The following ZBTB20 variants were observed in gnomAD, a reference collection of about 807,000 sequenced individuals.
ZBTB20 encodes zinc finger and BTB domain-containing protein 20.
Under a neutral mutation model 56.9 loss-of-function variants are expected in ZBTB20, and 9 were observed. That is an observed-to-expected ratio of 0.16 (90% CI 0.10 to 0.28). ZBTB20 has a LOEUF of 0.28. Among genes scored for constraint, ZBTB20 ranks in the 10% least tolerant of loss-of-function variants. The pLI, the probability that ZBTB20 is intolerant of heterozygous loss-of-function variation, is 1.00. For missense variants in ZBTB20, 655 were observed against 1,003.0 expected, an observed-to-expected ratio of 0.65 and a Z score of 4.69; for synonymous variants, 417 against 420.7, an observed-to-expected ratio of 0.99 and a Z score of 0.11.
intron 1 of ZBTB20, among the ~76,000 whole-genome samples, chr3:115,111,354 G>T (rs188446155): frequency 4.6e-5 from 7 of 152,072 alleles, no homozygotes; most frequent in Non-Finnish European, 1.0e-4. Flanking sequence ...TCATTATTAT[G>T]AATTTTATTT....
chr3:114,964,681 T>G (rs1304419703), intron 3 of ZBTB20, among the ~76,000 whole-genome samples: 1 of 152,060 alleles, frequency 6.6e-6, no homozygotes, highest in Non-Finnish European at 1.5e-5. Flanking sequence ...ACTATGTGCC[T>G]GGGTGGAGGA....
At chr3:115,142,127 A>C (rs910457396) in intron 1 of ZBTB20, among the ~76,000 whole-genome samples, 1 of 152,228 alleles carries the variant, frequency 6.6e-6, no homozygotes, top group African/African-American at 2.4e-5. Context: ...AAGTTTTGGT[A>C]ACAAAGTGGC....
intron 4 of ZBTB20, among the ~76,000 whole-genome samples, chr3:114,852,922 G>T (rs903344776): frequency 6.6e-6 from 1 of 152,172 alleles, no homozygotes; most frequent in African/African-American, 2.4e-5. Context: ...TTGTTCAAGA[G>T]ATATGGATCT....
rs574569278 is a variant in ZBTB20 at position 114,882,852 on chromosome 3, T to C, written c.-417+17452A>G. ...TTTCACTTTATATCCTTGTGTACCA[T>C]TCAAATTTTTTAACCCTGTGAGCAC... On this transcript the variant is annotated intron_variant, in intron 4 of 11. Coordinates refer to ENST00000675478, the MANE Select transcript of ZBTB20 (RefSeq NM_001348800.3). Among the ~76,000 whole-genome samples the C allele has an allele frequency of 2.6e-5, 4 of 152,264 alleles. No individual in the cohort carries two copies. In the South Asian group the frequency reaches 6.2e-4, roughly 24 times the overall value.
intron 7 of ZBTB20, among the ~76,000 whole-genome samples, chr3:114,452,504 C>T (rs2091684107): frequency 6.6e-6 from 1 of 152,082 alleles, no homozygotes; most frequent in Non-Finnish European, 1.5e-5. Context: ...ATTACTGAGG[C>T]AACACATACA....
intron 4 of ZBTB20, among the ~76,000 whole-genome samples, chr3:114,816,555 C>G (rs984752252): frequency 1.3e-5 from 2 of 152,044 alleles, no homozygotes; most frequent in African/African-American, 2.4e-5. Flanking sequence ...AATTTTAAGA[C>G]TAAACCTTAG....
intron 2 of ZBTB20, among the ~76,000 whole-genome samples, chr3:114,975,260 G>C (rs2078048899): frequency 6.6e-6 from 1 of 152,106 alleles, no homozygotes; most frequent in Non-Finnish European, 1.5e-5. Flanking sequence ...ATTAGAAAAT[G>C]ATCTCTCTAA....
intron 3 of ZBTB20, among the ~76,000 whole-genome samples, chr3:114,956,105 CAA>C (rs1283750537): frequency 6.6e-6 from 1 of 152,038 alleles, no homozygotes; most frequent in African/African-American, 2.4e-5. Context: ...GCTATATTGA[CAA>C]AAGTATGCAA....
intron 2 of ZBTB20, among the ~76,000 whole-genome samples, chr3:114,995,435 G>C (rs935283980): frequency 6.6e-6 from 1 of 151,744 alleles, no homozygotes; most frequent in African/African-American, 2.4e-5. Flanking sequence ...CAGGACATCT[G>C]GTTACTGTTA....
intron 1 of ZBTB20, among the ~76,000 whole-genome samples, chr3:115,107,417 CAA>C (rs59267707): frequency 2.1e-3 from 233 of 112,702 alleles, no homozygotes; most frequent in African/African-American, 5.2e-3. Context: ...GAGACTGTGT[CAA>C]AAAAAAAAAA....
chr3:114,521,760 T>C (rs566382826), intron 6 of ZBTB20, among the ~76,000 whole-genome samples: 1 of 152,266 alleles, frequency 6.6e-6, no homozygotes, highest in South Asian at 2.1e-4. Context: ...TGAACAGAAA[T>C]AGTGGCCTAT....
intron 6 of ZBTB20, among the ~76,000 whole-genome samples, chr3:114,513,858 C>A (rs905986933): frequency 1.3e-4 from 19 of 151,292 alleles, no homozygotes; most frequent in African/African-American, 3.6e-4. Context: ...GGTTTTCTTT[C>A]TCCTACCTCT....
At chr3:114,652,615 T>C (rs941357741) in intron 6 of ZBTB20, among the ~76,000 whole-genome samples, 7 of 152,028 alleles carry the variant, frequency 4.6e-5, no homozygotes, top group Non-Finnish European at 8.8e-5. Context: ...CAGAAAGTCT[T>C]GAAATTAGGT....
At chr3:114,719,685 C>G (rs2064768338) in intron 5 of ZBTB20, among the ~76,000 whole-genome samples, 1 of 152,034 alleles carries the variant, frequency 6.6e-6, no homozygotes. Context: ...CTTTTCTGTA[C>G]CGGAATTGCT....
At chr3:114,565,900 AT>A (rs765917547) in intron 6 of ZBTB20, among the ~76,000 whole-genome samples, 12 of 152,096 alleles carry the variant, frequency 7.9e-5, no homozygotes, top group Non-Finnish European at 1.6e-4. Context: ...TCTCCTGAAA[AT>A]TTGCTCTTAC....
intron 3 of ZBTB20, among the ~76,000 whole-genome samples, chr3:114,949,666 G>T (rs1212335039): frequency 6.9e-6 from 1 of 144,706 alleles, no homozygotes; most frequent in Admixed American, 6.6e-5. Context: ...TACTTGGGAA[G>T]CTGAGGCAGG....
intron 1 of ZBTB20, among the ~76,000 whole-genome samples, chr3:115,133,801 C>T (rs1341725801): frequency 6.6e-6 from 1 of 152,084 alleles, no homozygotes; most frequent in Non-Finnish European, 1.5e-5. Context: ...TGAGTTGCTT[C>T]CACTTTTTGG....
chr3:114,989,495 T>C (rs551187491), intron 2 of ZBTB20, among the ~76,000 whole-genome samples: 33 of 152,200 alleles, frequency 2.2e-4, no homozygotes, highest in Non-Finnish European at 4.8e-4. Context: ...TGCTGTTTGG[T>C]TACTGTAGCC....
chr3:114,926,613 G>T (rs1252620185), intron 3 of ZBTB20, among the ~76,000 whole-genome samples: 1 of 152,060 alleles, frequency 6.6e-6, no homozygotes, highest in Non-Finnish European at 1.5e-5. Flanking sequence ...TCTAGGAGAG[G>T]GCTGAACAAA....
Sources: allele counts gnomAD v4.1 joint callset (sites outside exome capture counted in the v4.1 genomes callset), GRCh38; gene constraint gnomAD v4.1.1; transcripts MANE v1.5; gene names NCBI Gene and HGNC (gene_info 2026-07-23, HGNC 2026-07-21).